Variants in MYBBP1A observed in about 807,000 individuals in gnomAD.
The protein encoded by MYBBP1A is myb-binding protein 1A.
MYBBP1A carries 147 observed loss-of-function variants against 136.3 expected under a neutral mutation model. That is an observed-to-expected ratio of 1.08 (90% CI 0.94 to 1.24). The LOEUF is 1.24. Among genes scored for constraint, MYBBP1A ranks in the 50% most tolerant of loss-of-function variants. The pLI is 0.00. For synonymous variants in MYBBP1A, 947 were observed against 735.8 expected (o/e 1.29, Z -4.65); for missense variants, 2,060 against 1,727.4 (o/e 1.19, Z -3.41).
At chr17:4,542,162 C>T (rs1033408944) in intron 22 of MYBBP1A, 2 of 583,106 alleles carry the variant, frequency 3.4e-6, no homozygotes, top group Admixed American at 6.3e-5. Flanking sequence ...CTGCCCCCAA[C>T]AGCCCTGGCA....
At position 4,549,364 on chromosome 17, in the gene MYBBP1A, C is replaced by T; in HGVS notation, c.1398G>A (p.Glu466=). ...LVSIVDSLHL[E]MEEALTEQVA... ...CCTGCTCAGTCAAGGCCTCCTCCAT[C>T]TCCAGGTGCAGGCTGTCCACAATGC... Residue 466 remains glutamate (E), a synonymous_variant, in exon 10 of 26, where the codon GAG becomes GAA. Coordinates refer to ENST00000254718, the MANE Select transcript of MYBBP1A (RefSeq NM_014520.4). 2 of 1,612,990 alleles carry T rather than the reference C, an allele frequency of 1.2e-6. No individual in the cohort carries two copies. The highest frequency in any genetic ancestry group is 1.7e-6 in the Non-Finnish European group (2 of 1,179,978).
In MYBBP1A at chr17:4,549,319, G is replaced by A. The variant is rs2144485198; in HGVS notation, c.1430+13C>T. Reference sequence around the variant, plus strand: ...ACGCCCATGGGAAGCTGGGAATCCAGCACAGCTCGCACCTGGCCACCTGCT... The same window carrying A: ...ACGCCCATGGGAAGCTGGGAATCCAACACAGCTCGCACCTGGCCACCTGCT... On this transcript the variant is annotated intron_variant, in intron 10 of 25. Transcript: ENST00000254718. 6.2e-7 allele frequency: 1 copy of A among 1,607,098 alleles called. No homozygotes were observed. Among genetic ancestry groups the A allele is most frequent in the Non-Finnish European group, 8.5e-7 (1 of 1,178,732 alleles).
intron 1 of MYBBP1A, 39 bp downstream of exon 1, chr17:4,555,088 G>A: frequency 6.4e-7 from 1 of 1,564,450 alleles, no homozygotes; most frequent in East Asian, 2.4e-5. Flanking sequence ...TTCCTTGCCG[G>A]GATATGCGCA....
In MYBBP1A at chr17:4,540,387, T is replaced by G. The variant is rs764601220; in HGVS notation, c.3395A>C (p.His1132Pro). The change falls in exon 25 of 26, where the codon CAC becomes CCC. Residue 1132 changes from histidine to proline, a missense_variant. Coordinates refer to ENST00000254718, the MANE Select transcript of MYBBP1A (RefSeq NM_014520.4). The stretch of plus-strand genomic sequence containing the variant: ...TTTCATGGCCTGCCAGTAGAGGTCG[T>G]GCAGGCGGCTGGAGCCGGTGGAGTG... ...GAHSTGSSRL[H>P]DLYWQAMKTL... is the part of the protein sequence containing the mutation. The G allele has an allele frequency of 2.5e-6, 4 of 1,609,956 alleles. No homozygotes were observed. In the Admixed American group the frequency reaches 5.0e-5, roughly 20 times the overall value.
In MYBBP1A at chr17:4,548,087, C is replaced by T. The variant is rs1376045024; in HGVS notation, c.1725-30G>A. 3 of 1,600,152 alleles carry T rather than the reference C, an allele frequency of 1.9e-6. No homozygotes were observed. Reference sequence around the variant, plus strand: ...GGGGAGACAGGCGATTCCCAGGCCCCTGCACCAGTCAGACTGCAGCGTCCT... The same window carrying T: ...GGGGAGACAGGCGATTCCCAGGCCCTTGCACCAGTCAGACTGCAGCGTCCT... On this transcript the variant is annotated intron_variant, in intron 12 of 25. Transcript: ENST00000254718. The surrounding 1 kb of genome is among the most constrained non-coding windows in gnomAD (Gnocchi z 4.2).
Position 4,550,256 on chromosome 17 carries a change from A to G in MYBBP1A, c.1121T>C (p.Leu374Pro). The stretch of plus-strand genomic sequence containing the variant: ...GTTGGTGACAGATGAGAAGGCCACT[A>G]GCACGGCCAGCTGCCGCTCAGGGTC... ...QDDPERQLAV[L>P]VAFSSVTNQG... The change falls in exon 9 of 26, where the codon CTA becomes CCA. Residue 374 changes from leucine (L) to proline (P), a missense_variant. Coordinates refer to ENST00000254718, the MANE Select transcript of MYBBP1A (RefSeq NM_014520.4). The G allele has an allele frequency of 6.2e-7, 1 of 1,613,544 alleles. No individual in the cohort carries two copies. Among genetic ancestry groups the G allele is most frequent in the Non-Finnish European group, 8.5e-7 (1 of 1,180,036 alleles).
chr17:4,542,555 G>T (rs1342643747), intron 21 of MYBBP1A, 23 bp from the exon 22 acceptor site: 3 of 1,612,748 alleles, frequency 1.9e-6, no homozygotes, highest in Non-Finnish European at 2.5e-6. Context: ...GACAAGGGCT[G>T]TGAGGTGCAG....
In MYBBP1A at chr17:4,552,117, G is replaced by A. The variant is rs747258145; in HGVS notation, c.905+8C>T. ...AGGGGGCCGAGAGAGGACACGCGTC[G>A]CCCGCACCTGGCTGGCCAGAACTGC... On this transcript the variant is annotated splice_region_variant and intron_variant, in intron 7 of 25. Coordinates refer to ENST00000254718, the MANE Select transcript of MYBBP1A (RefSeq NM_014520.4). The surrounding 1 kb of genome is among the most constrained non-coding windows in gnomAD (Gnocchi z 4.7). 8.7e-6 allele frequency: 14 copies of A among 1,612,492 alleles called. No homozygotes were observed. Among genetic ancestry groups the A allele is most frequent in the Admixed American group, 8.3e-5 (5 of 59,932 alleles).
rs2306269 is a variant in MYBBP1A at position 4,549,991 on chromosome 17, T to G, written c.1319+67A>C. ...GGACGCTGTGGAGGGCGGGCTTGGG[T>G]CGCGGGGCTCTGCAGGCCTAGGAAG... is the stretch of plus-strand genomic sequence containing the variant. On this transcript the variant is annotated intron_variant, in intron 9 of 25. Coordinates refer to ENST00000254718, the MANE Select transcript of MYBBP1A (RefSeq NM_014520.4). 3.9e-6 allele frequency: 6 copies of G among 1,524,506 alleles called. No homozygotes were observed. The East Asian group carries it at 1.4e-4, about 34-fold the overall frequency. The allele number at this position is 1,524,506 out of a possible 1,614,324, so 94.4% of individuals were successfully genotyped here.
rs115486787 is a variant in MYBBP1A at position 4,541,234 on chromosome 17, G to A, written c.3297+229C>T. Reference sequence around the variant, plus strand: ...GTGCCACCCCACCCCCTCTCACCCCGCCCTGCAGGAGGAGGACAGGGTGGC... The same window carrying A: ...GTGCCACCCCACCCCCTCTCACCCCACCCTGCAGGAGGAGGACAGGGTGGC... On this transcript the variant is annotated intron_variant, in intron 24 of 25. Coordinates refer to ENST00000254718, the MANE Select transcript of MYBBP1A (RefSeq NM_014520.4). Among the ~76,000 whole-genome samples, 3,657 of 152,176 alleles carry A rather than the reference G, an allele frequency of 0.024. 146 individuals are homozygous for A. Among genetic ancestry groups the A allele is most frequent in the African/African-American group, 0.083 (3,435 of 41,548 alleles).
At chr17:4,547,742 G>C (rs1195472896) in intron 13 of MYBBP1A, 1 of 477,444 alleles carries the variant, frequency 2.1e-6, no homozygotes, top group Non-Finnish European at 3.7e-6. Context: ...TGGGGATTAC[G>C]AGATCCTGCA....
rs1450116603 is a variant in MYBBP1A, at chr17:4,554,841, T to TG, written c.294+19dup. The stretch of plus-strand genomic sequence containing the variant: ...ATTTTGACCTGGATGGCTGGGACCC[T>TG]GCCAGGAGCACCACCTCACCTGTGC... On this transcript the variant is annotated intron_variant, in intron 2 of 25. Coordinates refer to ENST00000254718, the MANE Select transcript of MYBBP1A (RefSeq NM_014520.4). 1.9e-6 allele frequency: 3 copies of TG among 1,611,642 alleles called. No homozygotes were observed. Among genetic ancestry groups the TG allele is most frequent in the Non-Finnish European group, 2.5e-6 (3 of 1,178,748 alleles).
chr17:4,548,974 G>A lies in MYBBP1A; in HGVS notation c.1431-325C>T, dbSNP rs1907261118. ...TCAGGTCACTGCTCCTGCGAACATGGGACAGCCCCCTCTTGCAACCGTGCA... is the reference window on the plus strand; with the variant it reads ...TCAGGTCACTGCTCCTGCGAACATGAGACAGCCCCCTCTTGCAACCGTGCA... On this transcript the variant is annotated intron_variant, in intron 10 of 25. Coordinates refer to ENST00000254718, the MANE Select transcript of MYBBP1A (RefSeq NM_014520.4). The surrounding 1 kb of genome is among the most constrained non-coding windows in gnomAD (Gnocchi z 4.2). 6.6e-6 allele frequency among the ~76,000 whole-genome samples: 1 copy of A among 152,256 alleles called. No individual in the cohort carries two copies.
Position 4,544,753 on chromosome 17 carries a change from G to A in MYBBP1A, c.2479C>T (p.Arg827Trp), listed in dbSNP as rs371241097. The A allele has an allele frequency of 6.0e-5, 94 of 1,555,114 alleles. No individual in the cohort carries two copies. Among genetic ancestry groups the A allele is most frequent in the Middle Eastern group, 3.4e-4 (2 of 5,938 alleles). The change falls in exon 18 of 26, where the codon CGG becomes TGG. Residue 827 changes from arginine to tryptophan, a missense_variant and splice_region_variant. Transcript: ENST00000254718. ...GTGCGGCCCGCCCCCAGGCTCACCCGGATCTGGAAGTCGCGCCGCAGAGCC... is the reference window on the plus strand; with the variant it reads ...GTGCGGCCCGCCCCCAGGCTCACCCAGATCTGGAAGTCGCGCCGCAGAGCC... Reference protein sequence around the residue: ...EKALRRDFQIRVLDLVEVLVT... With the variant: ...EKALRRDFQIWVLDLVEVLVT...
chr17:4,542,685 G>C lies in MYBBP1A; in HGVS notation c.2949C>G (p.Ser983Arg). 1 of 1,614,090 alleles carries C rather than the reference G, an allele frequency of 6.2e-7. No individual in the cohort carries two copies. Among genetic ancestry groups the C allele is most frequent in the East Asian group, 2.2e-5 (1 of 44,880 alleles). Reference sequence around the variant, plus strand: ...GGCTGTTGCGCTTGGTCAGGAAGGAGCTCAGTGCTGTCGAGTACACCCGGG... The same window carrying C: ...GGCTGTTGCGCTTGGTCAGGAAGGACCTCAGTGCTGTCGAGTACACCCGGG... ...LVTRVYSTAL[S>R]SFLTKRNSPL... Residue 983 changes from serine (S) to arginine (R), a missense_variant, in exon 21 of 26, where the codon AGC (serine) becomes AGG (arginine). Coordinates refer to ENST00000254718, the MANE Select transcript of MYBBP1A (RefSeq NM_014520.4).
chr17:4,540,141 G>A (rs572272308), intron 25 of MYBBP1A, among the ~76,000 whole-genome samples, 174 bp from the exon 26 acceptor site: 9 of 145,430 alleles, frequency 6.2e-5, no homozygotes, highest in Non-Finnish European at 1.0e-4. Flanking sequence ...CCTGGGTCCT[G>A]CGAGGGTCCT....
chr17:4,545,043 G>A lies in MYBBP1A; in HGVS notation c.2293C>T (p.Gln765Ter), dbSNP rs926638982. ...CCACTCACCAGCGCCTTCCCAGCCT[G>A]CAGCACGGTCATCAGCTGTTCCCGG... ...GFREQLMTVL[Q>*]AGKALGGEDS... The change falls in exon 17 of 26, where the codon CAG becomes TAG. Residue 765 changes from glutamine (Q) to a stop codon, truncating the protein, a stop_gained. Transcript: ENST00000254718. LOFTEE classifies it high-confidence loss of function. 2.9e-6 allele frequency: 4 copies of A among 1,380,948 alleles called. No individual in the cohort carries two copies. Among genetic ancestry groups the A allele is most frequent in the Non-Finnish European group, 3.8e-6 (4 of 1,060,168 alleles). 85.5% of individuals were successfully genotyped at this position (1,380,948 alleles called of 1,614,324 possible). A position where few individuals can be genotyped will look rare whatever the true frequency, so the allele number is the denominator to read the frequency against.
chr17:4,550,543 C>T (rs1274322532), intron 8 of MYBBP1A, among the ~76,000 whole-genome samples, 190 bp from the exon 9 acceptor site: 1 of 152,288 alleles, frequency 6.6e-6, no homozygotes, highest in Non-Finnish European at 1.5e-5. Flanking sequence ...TTGTACACAG[C>T]TAGGCTGTGC....
intron 15 of MYBBP1A, 38 bp downstream of exon 15, chr17:4,545,572 C>T: frequency 6.5e-7 from 1 of 1,548,140 alleles, no homozygotes. Flanking sequence ...GCTCAGTGAG[C>T]CCCAGCCCAC....
Sources: gnomAD v4.1 joint callset for allele counts (sites outside exome capture counted in the v4.1 genomes callset) on GRCh38, gnomAD v4.1.1 for gene constraint, Gnocchi (gnomAD v3.1) non-coding constraint, MANE v1.5 for transcripts, NCBI Gene and HGNC (gene_info 2026-07-23, HGNC 2026-07-21) for gene names.